The following SH3D19 variants were observed in gnomAD, a reference collection of about 807,000 sequenced individuals.
SH3D19 encodes the protein SH3 domain containing 19.
SH3D19 carries 58 observed loss-of-function variants against 112.1 expected under a neutral mutation model. The observed-to-expected ratio is 0.52, with a 90% CI of 0.42 to 0.64. The LOEUF (loss-of-function observed/expected upper bound fraction) is 0.64, where lower values mean the gene tolerates loss of function less well. SH3D19 is among the 30% of genes least tolerant of loss of function. SH3D19 has a pLI of 0.00. For synonymous variants in SH3D19, 391 were observed against 448.5 expected (o/e 0.87, Z 1.62); for missense variants, 1,090 against 1,263.4 (o/e 0.86, Z 2.08).
intron 2 of SH3D19, among the ~76,000 whole-genome samples, chr4:151,204,280 G>A (rs1318383953): frequency 6.6e-6 from 1 of 152,158 alleles, no homozygotes; most frequent in African/African-American, 2.4e-5. Context: ...AGGACAAGTA[G>A]GCCCATTCAC....
intron 4 of SH3D19, among the ~76,000 whole-genome samples, chr4:151,179,075 C>A (rs1358850069): frequency 6.6e-6 from 1 of 152,192 alleles, no homozygotes; most frequent in Non-Finnish European, 1.5e-5. Context: ...TTCTCTGAAG[C>A]AGTTACAATG....
intron 19 of SH3D19, among the ~76,000 whole-genome samples, chr4:151,125,523 A>G (rs1030679250): frequency 3.3e-5 from 5 of 151,060 alleles, no homozygotes; most frequent in African/African-American, 1.2e-4. Context: ...AAAGAAAGAA[A>G]GGAAGGAAAG....
chr4:151,192,557 C>T (rs568210335), intron 2 of SH3D19, among the ~76,000 whole-genome samples: 2 of 152,268 alleles, frequency 1.3e-5, no homozygotes, highest in Non-Finnish European at 2.9e-5. Context: ...ATAACCCTAC[C>T]TTATAAATTT....
At chr4:151,285,809 G>A (rs1361183294) in intron 1 of SH3D19, among the ~76,000 whole-genome samples, 1 of 151,992 alleles carries the variant, frequency 6.6e-6, no homozygotes, top group Non-Finnish European at 1.5e-5. Flanking sequence ...CACATATGTA[G>A]TGAGCTATGA....
chr4:151,278,337 T>C (rs1009744704), intron 1 of SH3D19, among the ~76,000 whole-genome samples: 4 of 151,712 alleles, frequency 2.6e-5, no homozygotes, highest in African/African-American at 9.7e-5. Context: ...GGTGCAATCA[T>C]AGCCCACTGC....
chr4:151,280,054 T>TCCCGAAACAACTAG, intron 1 of SH3D19: 2 of 872,648 alleles, frequency 2.3e-6, no homozygotes, highest in Non-Finnish European at 3.4e-6. Context: ...AGTGGTAAAA[T>TCCCGAAACAACTAG]AGGCAGGGCG....
chr4:151,124,176 G>C (rs543683311), intron 19 of SH3D19, among the ~76,000 whole-genome samples: 1 of 151,506 alleles, frequency 6.6e-6, no homozygotes, highest in African/African-American at 2.4e-5. Flanking sequence ...GCAAGATCTC[G>C]GCTCACTGCA....
intron 1 of SH3D19, among the ~76,000 whole-genome samples, chr4:151,322,431 TAAAA>T (rs57301959): frequency 7.8e-5 from 3 of 38,414 alleles, no homozygotes; most frequent in Non-Finnish European, 1.1e-4. Flanking sequence ...AGACTCTGCC[TAAAA>T]AAAAAAAAAA....
rs1754308922 is a variant in SH3D19 at position 151,148,322 on chromosome 4, T to C, written c.1818-136A>G. On this transcript the variant is annotated intron_variant, in intron 10 of 19. Transcript: ENST00000604030. ...AGCTTTCTGCTAGTGGAATACAGTT[T>C]ACTGAAACATGCAGGGTATGCTATT... 13 of 921,614 alleles carry C rather than the reference T, an allele frequency of 1.4e-5. 1 individual carries two copies. In the South Asian group the frequency reaches 2.6e-4, roughly 19 times the overall value. 57.1% of individuals were successfully genotyped at this position (921,614 alleles called of 1,614,324 possible). A position where few individuals can be genotyped will look rare whatever the true frequency, so the allele number is the denominator to read the frequency against.
intron 17 of SH3D19, among the ~76,000 whole-genome samples, chr4:151,130,020 G>C (rs1261858332): frequency 6.6e-6 from 1 of 152,202 alleles, no homozygotes; most frequent in Non-Finnish European, 1.5e-5. Context: ...ACTGTAGTCA[G>C]TTTCCTTCCT....
At chr4:151,269,675 C>T (rs542462505) in intron 1 of SH3D19, among the ~76,000 whole-genome samples, 5 of 152,060 alleles carry the variant, frequency 3.3e-5, no homozygotes, top group African/African-American at 1.2e-4. Flanking sequence ...ACTTTATAAA[C>T]ATTTTGATTT....
chr4:151,196,335 AG>A (rs1763466134), intron 2 of SH3D19, among the ~76,000 whole-genome samples: 2 of 152,184 alleles, frequency 1.3e-5, no homozygotes, highest in African/African-American at 4.8e-5. Context: ...AGGCTGAGGC[AG>A]GGGGATGGCT....
Position 151,149,508 on chromosome 4 carries a change from C to G in SH3D19, c.1809G>C (p.Leu603Phe). Reference sequence around the variant, plus strand: ...TTCCCACATTTACTTACCTCGGTGGCAACCTTGGGGGTACTCGCACAAAAC... The same window carrying G: ...TTCCCACATTTACTTACCTCGGTGGGAACCTTGGGGGTACTCGCACAAAAC... ...TGGFVRVPPR[L>F]PPRPVNGKTI... is the part of the protein sequence containing the mutation. Residue 603 changes from leucine (L) to phenylalanine (F), a missense_variant, in exon 10 of 20, where the codon TTG becomes TTC. By Grantham distance (22) the Leu-to-Phe change is conservative. Transcript: ENST00000604030. The G allele has an allele frequency of 2.5e-6, 4 of 1,609,762 alleles. No individual in the cohort carries two copies. The highest frequency in any genetic ancestry group is 3.4e-6 in the Non-Finnish European group (4 of 1,177,760).
At chr4:151,273,311 C>T (rs1426296673) in intron 1 of SH3D19, among the ~76,000 whole-genome samples, 1 of 152,076 alleles carries the variant, frequency 6.6e-6, no homozygotes, top group Non-Finnish European at 1.5e-5. Flanking sequence ...AAAAGTCCAG[C>T]CAGGCACGGT....
intron 1 of SH3D19, chr4:151,291,333 G>A (rs755280257): frequency 1.2e-6 from 2 of 1,613,920 alleles, no homozygotes; most frequent in Non-Finnish European, 1.7e-6. Flanking sequence ...TGGCTCTCCT[G>A]CGTCCCTCCT....
chr4:151,307,808 C>T (rs779661703), intron 1 of SH3D19, among the ~76,000 whole-genome samples: 3 of 152,344 alleles, frequency 2.0e-5, no homozygotes, highest in Non-Finnish European at 2.9e-5. Context: ...GAGCCATGAG[C>T]AGAAGAGGGA....
chr4:151,322,119 G>A (rs1364135075), intron 1 of SH3D19, among the ~76,000 whole-genome samples: 4 of 152,072 alleles, frequency 2.6e-5, no homozygotes, highest in Admixed American at 2.6e-4. Context: ...TCCTATAACT[G>A]CTTATTAATC....
chr4:151,122,299 CT>C (rs1198823465), intron 19 of SH3D19, 92 bp from the exon 20 acceptor site: 17 of 672,884 alleles, frequency 2.5e-5, no homozygotes, highest in Non-Finnish European at 4.2e-5. Flanking sequence ...ATAATCTTCT[CT>C]GTATAACTCA....
chr4:151,273,457 G>A (rs1773363939), intron 1 of SH3D19, among the ~76,000 whole-genome samples: 2 of 151,958 alleles, frequency 1.3e-5, no homozygotes, highest in African/African-American at 4.8e-5. Context: ...GGGCGTGGTG[G>A]TGGGCGCCTG....
Sources: gnomAD v4.1 joint callset for allele counts (sites outside exome capture counted in the v4.1 genomes callset) on GRCh38, gnomAD v4.1.1 for gene constraint, MANE v1.5 for transcripts, NCBI Gene and HGNC (gene_info 2026-07-23, HGNC 2026-07-21) for gene names.